Variants in PTPRG observed in about 807,000 individuals in gnomAD.
PTPRG encodes the protein protein tyrosine phosphatase receptor type G, also known as receptor-type tyrosine-protein phosphatase gamma.
In PTPRG, 102 loss-of-function variants were observed where a neutral mutation model predicts 165.3. The observed-to-expected ratio is 0.62, with a 90% CI of 0.53 to 0.73. PTPRG has a LOEUF of 0.73. Ranked by LOEUF, PTPRG falls within the 30% of genes least tolerant of loss-of-function variation. The pLI is 0.00. For missense variants in PTPRG, 1,866 were observed against 1,861.4 expected (o/e 1.00, Z -0.05); for synonymous variants, 675 against 669.5 (o/e 1.01, Z -0.13).
chr3:61,682,669 T>G (rs1682411402), intron 1 of PTPRG, among the ~76,000 whole-genome samples: 1 of 152,198 alleles, frequency 6.6e-6, no homozygotes. Context: ...GATGGTTATT[T>G]GAAAAGAACT....
intron 10 of PTPRG, among the ~76,000 whole-genome samples, chr3:62,198,475 G>T (rs1168868056): frequency 6.6e-6 from 1 of 152,134 alleles, no homozygotes; most frequent in Admixed American, 6.5e-5. Flanking sequence ...AAGCCTTTTT[G>T]CAGTTCTCAA....
At chr3:62,169,061 A>G (rs549688256) in intron 8 of PTPRG, among the ~76,000 whole-genome samples, 64 of 151,972 alleles carry the variant, frequency 4.2e-4, no homozygotes, top group African/African-American at 1.4e-3. Flanking sequence ...CTGCTCTTCT[A>G]TTCTATCCCT....
chr3:62,123,601 C>T (rs952684098), intron 5 of PTPRG, among the ~76,000 whole-genome samples: 2 of 152,140 alleles, frequency 1.3e-5, no homozygotes, highest in East Asian at 1.9e-4. Context: ...AAAAGGGTTA[C>T]GTTTACAACT....
At chr3:61,837,139 C>T (rs1402874834) in intron 2 of PTPRG, among the ~76,000 whole-genome samples, 3 of 152,244 alleles carry the variant, frequency 2.0e-5, no homozygotes, top group Non-Finnish European at 1.5e-5. Flanking sequence ...TCTTGTACTC[C>T]TGACCTCAGG....
At chr3:62,017,200 G>A (rs2041567203) in intron 4 of PTPRG, among the ~76,000 whole-genome samples, 2 of 152,072 alleles carry the variant, frequency 1.3e-5, no homozygotes, top group South Asian at 4.2e-4. Flanking sequence ...TTATCTTGTG[G>A]GCCTGCTGGT....
intron 1 of PTPRG, among the ~76,000 whole-genome samples, chr3:61,687,696 T>TTA (rs1703678684): frequency 6.6e-6 from 1 of 152,268 alleles, no homozygotes; most frequent in Non-Finnish European, 1.5e-5. Context: ...GGAAATCTTT[T>TTA]TATTAACACA....
At chr3:61,904,418 C>T (rs1043264892) in intron 2 of PTPRG, among the ~76,000 whole-genome samples, 3 of 152,152 alleles carry the variant, frequency 2.0e-5, no homozygotes, top group Admixed American at 1.3e-4. Context: ...ATTTGACTAA[C>T]CATCTCCCTA....
chr3:61,862,524 A>G (rs963655277), intron 2 of PTPRG, among the ~76,000 whole-genome samples: 1 of 151,724 alleles, frequency 6.6e-6, no homozygotes, highest in Non-Finnish European at 1.5e-5. Context: ...AGTAGCTGGG[A>G]TTACAGGCAT....
chr3:61,679,131 T>A (rs1703338263), intron 1 of PTPRG, among the ~76,000 whole-genome samples: 1 of 152,226 alleles, frequency 6.6e-6, no homozygotes, highest in African/African-American at 2.4e-5. Context: ...GAAAGCTTGC[T>A]GCCTCAGGGA....
intron 1 of PTPRG, among the ~76,000 whole-genome samples, chr3:61,580,867 A>G (rs900057373): frequency 6.6e-6 from 1 of 152,236 alleles, no homozygotes; most frequent in Non-Finnish European, 1.5e-5. Context: ...CTTGGTCTGC[A>G]GAGGGCATGT....
chr3:62,122,780 TAGAAACGGTGACATAGC>T (rs1419048747), intron 5 of PTPRG, among the ~76,000 whole-genome samples: 2 of 152,184 alleles, frequency 1.3e-5, no homozygotes, highest in Non-Finnish European at 2.9e-5. Flanking sequence ...TTTCAAACTC[TAGAAACGGTGACATAGC>T]AGCTGAGGTC....
intron 1 of PTPRG, among the ~76,000 whole-genome samples, chr3:61,708,074 C>T (rs988707425): frequency 6.6e-6 from 1 of 152,180 alleles, no homozygotes; most frequent in East Asian, 1.9e-4. Context: ...CAGGCGTGAG[C>T]CACCACACCC....
chr3:61,901,641 G>A lies in PTPRG; in HGVS notation c.191-87984G>A, dbSNP rs146887344. Among the ~76,000 whole-genome samples, 257 of 152,238 alleles carry A rather than the reference G, an allele frequency of 1.7e-3. 1 individual carries two copies. Among genetic ancestry groups the A allele is most frequent in the African/African-American group, 5.8e-3 (239 of 41,552 alleles). ...TTGTTTTGTACTGTCTATTGACTGGGCTAAGCGTTAATAGCATCCCAGATT... is the reference window on the plus strand; with the variant it reads ...TTGTTTTGTACTGTCTATTGACTGGACTAAGCGTTAATAGCATCCCAGATT... On this transcript the variant is annotated intron_variant, in intron 2 of 29. Coordinates refer to ENST00000474889, the MANE Select transcript of PTPRG (RefSeq NM_002841.4).
intron 1 of PTPRG, among the ~76,000 whole-genome samples, chr3:61,655,082 C>T (rs974675918): frequency 2.7e-4 from 41 of 152,190 alleles, no homozygotes; most frequent in Admixed American, 1.6e-3. Context: ...CCACCGCACC[C>T]GGCCACCTGC....
intron 2 of PTPRG, among the ~76,000 whole-genome samples, chr3:61,855,801 A>G (rs1171714052): frequency 1.3e-5 from 2 of 151,918 alleles, no homozygotes; most frequent in South Asian, 2.1e-4. Context: ...AGCCTGAGGT[A>G]GTTGGAATGC....
chr3:61,881,251 A>G (rs988737247), intron 2 of PTPRG, among the ~76,000 whole-genome samples: 1 of 152,206 alleles, frequency 6.6e-6, no homozygotes, highest in Non-Finnish European at 1.5e-5. Context: ...ATTCTCTGTG[A>G]GAAGATGAAT....
intron 14 of PTPRG, among the ~76,000 whole-genome samples, chr3:62,243,152 G>A (rs1290384519): frequency 1.3e-5 from 2 of 151,988 alleles, no homozygotes; most frequent in Non-Finnish European, 2.9e-5. Flanking sequence ...TTCATTGCCT[G>A]TCCTATGATG....
intron 4 of PTPRG, among the ~76,000 whole-genome samples, chr3:62,013,713 T>C (rs1281645588): frequency 2.0e-5 from 3 of 152,146 alleles, no homozygotes; most frequent in Admixed American, 2.0e-4. Flanking sequence ...AATACACATA[T>C]AGTAGTTCAG....
intron 4 of PTPRG, among the ~76,000 whole-genome samples, chr3:62,019,687 T>C (rs1443505575): frequency 6.6e-6 from 1 of 152,124 alleles, no homozygotes; most frequent in Admixed American, 6.5e-5. Flanking sequence ...CGGGAGGTGA[T>C]GGATGTGTTA....
Sources: allele counts gnomAD v4.1 joint callset (sites outside exome capture counted in the v4.1 genomes callset), GRCh38; gene constraint gnomAD v4.1.1; transcripts MANE v1.5; gene names NCBI Gene and HGNC (gene_info 2026-07-23, HGNC 2026-07-21).